Variants in MYOCD observed in about 807,000 individuals in gnomAD.
MYOCD encodes myocardin.
A neutral mutation model predicts 96.1 loss-of-function variants in MYOCD; 32 were observed. That is an observed-to-expected ratio of 0.33 (90% CI 0.25 to 0.45). The LOEUF (loss-of-function observed/expected upper bound fraction) is 0.45, where lower values mean the gene tolerates loss of function less well. Ranked by LOEUF, MYOCD falls within the 20% of genes least tolerant of loss-of-function variation. MYOCD has a pLI of 1.00. For missense variants in MYOCD, 1,133 were observed against 1,200.6 expected, an observed-to-expected ratio of 0.94 and a Z score of 0.83; for synonymous variants, 469 against 469.0, an observed-to-expected ratio of 1.00 and a Z score of 0.00.
At chr17:12,742,095 C>G (rs1333573714) in intron 7 of MYOCD, among the ~76,000 whole-genome samples, 2 of 152,100 alleles carry the variant, frequency 1.3e-5, no homozygotes, top group African/African-American at 4.8e-5. Context: ...ACAAGGCAAG[C>G]CTCAGAATGA....
chr17:12,680,097 A>G (rs1910359742), intron 1 of MYOCD, among the ~76,000 whole-genome samples: 1 of 152,260 alleles, frequency 6.6e-6, no homozygotes, highest in African/African-American at 2.4e-5. Flanking sequence ...GGCTCTCAAA[A>G]GAACGTAAAC....
chr17:12,717,581 T>A (rs2031688332), intron 4 of MYOCD, among the ~76,000 whole-genome samples, 160 bp downstream of exon 4: 1 of 152,154 alleles, frequency 6.6e-6, no homozygotes, highest in Non-Finnish European at 1.5e-5. Flanking sequence ...CTAGGCCACG[T>A]AGATACCCAA....
At chr17:12,679,426 A>T (rs1373573426) in intron 1 of MYOCD, among the ~76,000 whole-genome samples, 2 of 152,162 alleles carry the variant, frequency 1.3e-5, no homozygotes, top group Admixed American at 1.3e-4. Flanking sequence ...AGAGCATGAC[A>T]CTACAGAATG....
At chr17:12,753,838 C>T (rs2032932881) in intron 10 of MYOCD, among the ~76,000 whole-genome samples, 1 of 152,160 alleles carries the variant, frequency 6.6e-6, no homozygotes, top group African/African-American at 2.4e-5. Context: ...GGGAAATCAT[C>T]AGATCTTACT....
chr17:12,685,604 T>TAA (rs66632617), intron 1 of MYOCD, among the ~76,000 whole-genome samples: 9 of 144,004 alleles, frequency 6.2e-5, no homozygotes, highest in African/African-American at 2.3e-4. Flanking sequence ...GAGACTGGCT[T>TAA]AAAAAAAAAA....
chr17:12,732,667 TAGGAATGCTCCGTCC>T (rs993137777), intron 5 of MYOCD, among the ~76,000 whole-genome samples: 10 of 152,146 alleles, frequency 6.6e-5, no homozygotes, highest in Non-Finnish European at 1.5e-5. Flanking sequence ...CGCAACAATT[TAGGAATGCTCCGTCC>T]AGCCCTGGGG....
In MYOCD at chr17:12,763,086, C is replaced by T. The variant is rs369905898; in HGVS notation, c.2403C>T (p.Asp801=). ...TATTGCCCACAGAAATGCCAGCAGACGCTAGAGAGGATCACTCATGTCTTC... is the reference window on the plus strand; with the variant it reads ...TATTGCCCACAGAAATGCCAGCAGATGCTAGAGAGGATCACTCATGTCTTC... ...VLIESGEMPA[D]AREDHSCLQK... The change falls in exon 14 of 14, where the codon GAC becomes GAT. Residue 801 remains aspartate, a synonymous_variant. Coordinates refer to ENST00000425538, the MANE Select transcript of MYOCD (RefSeq NM_001146312.3). 5.6e-5 allele frequency: 90 copies of T among 1,610,920 alleles called. No individual in the cohort carries two copies. The Middle Eastern group carries it at 6.6e-4, about 12-fold the overall frequency.
rs747243195 is a variant in MYOCD at position 12,744,421 on chromosome 17, A to G, written c.956A>G (p.His319Arg). Residue 319 changes from histidine (H) to arginine (R), a missense_variant, in exon 8 of 14, where the codon CAC becomes CGC. Physicochemically the swap from His to Arg is conservative, Grantham distance 29. Coordinates refer to ENST00000425538, the MANE Select transcript of MYOCD (RefSeq NM_001146312.3). The stretch of plus-strand genomic sequence containing the variant: ...CACCGATTCAGCTACCTAGGGATGC[A>G]CCAAGCTCAGCTTAAGTAAGTCCGG... The part of the protein sequence containing the change: ...QQHRFSYLGM[H>R]QAQLKEPNEQ... 6.2e-7 allele frequency: 1 copy of G among 1,611,670 alleles called. No homozygotes were observed. Among genetic ancestry groups the G allele is most frequent in the East Asian group, 2.2e-5 (1 of 44,704 alleles).
rs1175234307 is a variant in MYOCD at position 12,725,622 on chromosome 17, G to A, written c.415+2614G>A. 5.4e-5 allele frequency among the ~76,000 whole-genome samples: 8 copies of A among 149,362 alleles called. No individual in the cohort carries two copies. The East Asian group carries it at 1.6e-3, about 29-fold the overall frequency. ...ATATATTACATAGTGGAATACTATTGTTATTGATACCTTGCCAGTGCCTCA... is the reference window on the plus strand; with the variant it reads ...ATATATTACATAGTGGAATACTATTATTATTGATACCTTGCCAGTGCCTCA... On this transcript the variant is annotated intron_variant, in intron 5 of 13. Coordinates refer to ENST00000425538, the MANE Select transcript of MYOCD (RefSeq NM_001146312.3).
Position 12,666,171 on chromosome 17 carries a change from G to A in MYOCD, c.-18G>A. On this transcript the variant is annotated 5_prime_UTR_variant, in exon 1 of 14. Transcript: ENST00000425538. ...GGGGGCGCCTGGCCAAGGGACCAGC[G>A]GCTTGCTGAGACTCAACATGACACT... 6.2e-7 allele frequency: 1 copy of A among 1,611,448 alleles called. No homozygotes were observed.
chr17:12,729,358 G>T (rs941258728), intron 5 of MYOCD, among the ~76,000 whole-genome samples: 1 of 151,982 alleles, frequency 6.6e-6, no homozygotes, highest in African/African-American at 2.4e-5. Flanking sequence ...AAGGGTGAGC[G>T]CTGAGAGAGA....
chr17:12,736,358 C>T (rs202112177), intron 6 of MYOCD, 22 bp downstream of exon 6: 92 of 1,606,364 alleles, frequency 5.7e-5, no homozygotes, highest in Middle Eastern at 3.3e-4. Flanking sequence ...AACAAACAAA[C>T]GAAAAAAGTA....
chr17:12,756,368 A>T, intron 10 of MYOCD, 46 bp from the exon 11 acceptor site: 2 of 1,550,812 alleles, frequency 1.3e-6, no homozygotes, highest in Non-Finnish European at 1.7e-6. Context: ...GTCACACTCA[A>T]GTAAGCTGCT....
chr17:12,713,086 A>G lies in MYOCD; in HGVS notation c.122-2433A>G, dbSNP rs1194056980. 3.3e-5 allele frequency among the ~76,000 whole-genome samples: 5 copies of G among 151,958 alleles called. No homozygotes were observed. The East Asian group carries it at 7.7e-4, about 24-fold the overall frequency. Reference sequence around the variant, plus strand: ...CCAGTGGCCCATATAACACCCCTTAACCTCTGAGGAGAAGAGCATGTGGTA... The same window carrying G: ...CCAGTGGCCCATATAACACCCCTTAGCCTCTGAGGAGAAGAGCATGTGGTA... On this transcript the variant is annotated intron_variant, in intron 2 of 13. Coordinates refer to ENST00000425538, the MANE Select transcript of MYOCD (RefSeq NM_001146312.3).
intron 1 of MYOCD, among the ~76,000 whole-genome samples, chr17:12,684,113 T>A (rs1271559199): frequency 6.6e-6 from 1 of 152,190 alleles, no homozygotes; most frequent in Non-Finnish European, 1.5e-5. Context: ...TCTCTCTCTC[T>A]CTCTCCATTT....
chr17:12,686,179 G>A (rs1597734706), intron 1 of MYOCD, among the ~76,000 whole-genome samples: 1 of 152,222 alleles, frequency 6.6e-6, no homozygotes, highest in Admixed American at 6.5e-5. Flanking sequence ...CCTGAATTTG[G>A]AGACTTACAA....
intron 1 of MYOCD, among the ~76,000 whole-genome samples, chr17:12,702,713 T>C (rs1274281761): frequency 1.3e-5 from 2 of 151,992 alleles, no homozygotes; most frequent in African/African-American, 4.8e-5. Context: ...TTTGTGTTTT[T>C]ATTATTGGTT....
chr17:12,694,919 A>T (rs2030670064), intron 1 of MYOCD, among the ~76,000 whole-genome samples: 1 of 149,754 alleles, frequency 6.7e-6, no homozygotes, highest in Admixed American at 6.7e-5. Flanking sequence ...GAAATTTAGT[A>T]GCTCTACAGC....
At chr17:12,678,959 G>T (rs1327472540) in intron 1 of MYOCD, among the ~76,000 whole-genome samples, 2 of 152,064 alleles carry the variant, frequency 1.3e-5, no homozygotes, top group South Asian at 2.1e-4. Context: ...AATTCTGTGA[G>T]ATTACAAGTT....
Sources: gnomAD v4.1 joint callset for allele counts (sites outside exome capture counted in the v4.1 genomes callset) on GRCh38, gnomAD v4.1.1 for gene constraint, MANE v1.5 for transcripts, NCBI Gene and HGNC (gene_info 2026-07-23, HGNC 2026-07-21) for gene names.